Variants in SEMA4C observed in about 807,000 individuals in gnomAD.
SEMA4C encodes the protein semaphorin 4C.
SEMA4C carries 19 observed loss-of-function variants against 89.0 expected under a neutral mutation model. The observed-to-expected ratio is 0.21, with a 90% CI of 0.15 to 0.31. The LOEUF (loss-of-function observed/expected upper bound fraction) is 0.31, where lower values mean the gene tolerates loss of function less well. Among genes scored for constraint, SEMA4C ranks in the 10% least tolerant of loss-of-function variants. SEMA4C has a pLI of 1.00. For synonymous variants in SEMA4C, 428 were observed against 472.7 expected, an observed-to-expected ratio of 0.91 and a Z score of 1.23; for missense variants, 811 against 1,107.0, an observed-to-expected ratio of 0.73 and a Z score of 3.79.
At chr2:96,866,177 C>T in intron 3 of SEMA4C, 106 bp downstream of exon 3, 3 of 1,463,370 alleles carry the variant, frequency 2.1e-6, no homozygotes, top group Non-Finnish European at 1.8e-6. Context: ...TGCCCAGCAG[C>T]ACTTCTGTGG....
Position 96,869,985 on chromosome 2 carries a change from G to A in SEMA4C, c.-147C>T. On this transcript the variant is annotated 5_prime_UTR_variant, in exon 1 of 15. Transcript: ENST00000305476. Reference sequence around the variant, plus strand: ...GCCCGCGCTCGCCCGCCAGCCCTCCGCGGCCTCTCTGCCACCGCCCCTCCG... The same window carrying A: ...GCCCGCGCTCGCCCGCCAGCCCTCCACGGCCTCTCTGCCACCGCCCCTCCG... 1 of 986,302 alleles carries A rather than the reference G, an allele frequency of 1.0e-6. No individual in the cohort carries two copies. The highest frequency in any genetic ancestry group is 1.2e-6 in the Non-Finnish European group (1 of 830,246). 61.1% of individuals were successfully genotyped at this position (986,302 alleles called of 1,614,324 possible). A position where few individuals can be genotyped will look rare whatever the true frequency, so the allele number is the denominator to read the frequency against.
intron 6 of SEMA4C, 35 bp downstream of exon 6, chr2:96,865,406 G>T (rs770829447): frequency 5.0e-6 from 8 of 1,610,650 alleles, no homozygotes; most frequent in Non-Finnish European, 6.8e-6. Flanking sequence ...AAGCCCCAAG[G>T]ACTCACCCAG....
upstream of SEMA4C, chr2:96,870,247 G>A (rs1247267176): frequency 6.1e-6 from 6 of 985,360 alleles, no homozygotes; most frequent in South Asian, 1.9e-4. Context: ...GCCTCTCTGG[G>A]TGCCCGGACC....
chr2:96,867,799 G>A lies in SEMA4C; in HGVS notation c.88C>T (p.Arg30Cys). The part of the protein sequence containing the change: ...GAEVWWNLVP[R>C]KTVSSGELAT... The stretch of plus-strand genomic sequence containing the variant: ...TCACCCCCAGAAGACACTGTCTTAC[G>A]CGGCACAAGGTTCCACCACACCTCA... Residue 30 changes from arginine (R) to cysteine (C), a missense_variant, in exon 2 of 15, where the codon CGT becomes TGT. Transcript: ENST00000305476. 1 of 1,613,418 alleles carries A rather than the reference G, an allele frequency of 6.2e-7. No homozygotes were observed. Among genetic ancestry groups the A allele is most frequent in the Non-Finnish European group, 8.5e-7 (1 of 1,179,844 alleles).
chr2:96,867,358 C>A (rs778093093), intron 2 of SEMA4C, among the ~76,000 whole-genome samples: 2 of 152,156 alleles, frequency 1.3e-5, no homozygotes, highest in African/African-American at 2.4e-5. Context: ...GGCAACCATG[C>A]GAGCATGTGC....
rs781132367 is a variant in SEMA4C at position 96,860,603 on chromosome 2, C to T, written c.*23G>A. ...TAGGAGCTACACCTCCCACGCTTCC[C>T]GCCGACGCGGTGGGGGTTCCCCTCA... On this transcript the variant is annotated 3_prime_UTR_variant, in exon 15 of 15. Transcript: ENST00000305476. 13 of 1,568,666 alleles carry T rather than the reference C, an allele frequency of 8.3e-6. No individual in the cohort carries two copies. The highest frequency in any genetic ancestry group is 2.4e-5 in the South Asian group (2 of 84,626).
In SEMA4C at chr2:96,862,009, G is replaced by A. The variant is rs148394856; in HGVS notation, c.1444-115C>T. ...TGGACTCCTGCAGGGGGCACAGCAC[G>A]GGGCGCCAGAAGGAGGAACAAGGGA... On this transcript the variant is annotated intron_variant, in intron 12 of 14. Transcript: ENST00000305476. 2.2e-4 allele frequency: 256 copies of A among 1,149,548 alleles called. 1 individual carries two copies. The African/African-American group carries it at 2.9e-3, about 13-fold the overall frequency. The allele number at this position is 1,149,548 out of a possible 1,614,324, so 71.2% of individuals were successfully genotyped here.
intron 5 of SEMA4C, 33 bp from the exon 6 acceptor site, chr2:96,865,570 C>G (rs769684910): frequency 3.1e-6 from 5 of 1,605,252 alleles, no homozygotes; most frequent in Non-Finnish European, 4.3e-6. Flanking sequence ...TGAGGAGATG[C>G]TTAAGGGCAG....
chr2:96,866,457 T>C (rs1358530976), intron 2 of SEMA4C, 26 bp from the exon 3 acceptor site: 20 of 1,613,692 alleles, frequency 1.2e-5, no homozygotes, highest in Non-Finnish European at 1.7e-5. Flanking sequence ...TGGCTGCTGA[T>C]GGGCAGGACC....
chr2:96,866,009 C>T, intron 3 of SEMA4C, 80 bp from the exon 4 acceptor site: 1 of 1,435,714 alleles, frequency 7.0e-7, no homozygotes, highest in Non-Finnish European at 9.8e-7. Context: ...GCAGCAGCAA[C>T]ACAGGGACGC....
chr2:96,869,058 G>T, intron 1 of SEMA4C: 2 of 985,424 alleles, frequency 2.0e-6, no homozygotes, highest in Non-Finnish European at 2.4e-6. Context: ...ACAAAGCGGC[G>T]GCGCGGGGAG....
At chr2:96,863,837 G>A (rs757912464) in intron 11 of SEMA4C, 43 bp from the exon 12 acceptor site, 2 of 1,604,912 alleles carry the variant, frequency 1.2e-6, no homozygotes, top group South Asian at 1.1e-5. Context: ...AGGGCACAAG[G>A]CCGTGGGGCA....
At chr2:96,866,217 A>C in intron 3 of SEMA4C, 66 bp downstream of exon 3, 1 of 1,534,886 alleles carries the variant, frequency 6.5e-7, no homozygotes, top group Non-Finnish European at 8.8e-7. Flanking sequence ...CCACCTAGCC[A>C]AGCACAGCCC....
chr2:96,861,634 C>A lies in SEMA4C; in HGVS notation c.1617G>T (p.Gln539His). Residue 539 changes from glutamine to histidine, a missense_variant, in exon 14 of 15, where the codon CAG (glutamine) becomes CAT (histidine). Gln to His is a conservative substitution (Grantham distance 24). This residue lies in a region of SEMA4C where 441 missense variants were observed against 664.9 expected (regional missense o/e 0.66). Coordinates refer to ENST00000305476, the MANE Select transcript of SEMA4C (RefSeq NM_017789.5). This position sits in a 1 kb window ranked among gnomAD's most constrained non-coding sequence, Gnocchi z 7.8. ...CTGAAGTGTCCGAGGTCATCACATGCTGGATCAGTAGAGATCTGGTAGGGG... is the reference window on the plus strand; with the variant it reads ...CTGAAGTGTCCGAGGTCATCACATGATGGATCAGTAGAGATCTGGTAGGGG... ...VGGHSGSLLI[Q>H]HVMTSDTSGI... 2 of 1,578,028 alleles carry A rather than the reference C, an allele frequency of 1.3e-6. No individual in the cohort carries two copies. The highest frequency in any genetic ancestry group is 1.2e-5 in the South Asian group (1 of 85,922).
chr2:96,864,849 C>T lies in SEMA4C; in HGVS notation c.818G>A (p.Arg273Lys), dbSNP rs765370801. 2.3e-5 allele frequency: 37 copies of T among 1,613,602 alleles called. No individual in the cohort carries two copies. The Admixed American group carries it at 5.8e-4, about 25-fold the overall frequency. ...CGCCTTCAGGAACGTGGTCCACTTC[C>T]TCTGCAGGGTCCGTGCGCCCCCCAT... ...GDMGGARTLQ[R>K]KWTTFLKARL... is the part of the protein sequence containing the mutation. The change falls in exon 9 of 15, where the codon AGG (arginine) becomes AAG (lysine). Residue 273 changes from arginine (R) to lysine (K), a missense_variant. Arg to Lys is a conservative substitution (Grantham distance 26). This residue lies in a region of SEMA4C where 441 missense variants were observed against 664.9 expected (regional missense o/e 0.66). Transcript: ENST00000305476. The surrounding 1 kb of genome is among the most constrained non-coding windows in gnomAD (Gnocchi z 6.3).
At chr2:96,869,481 G>A (rs946978660) in intron 1 of SEMA4C, 1 of 985,244 alleles carries the variant, frequency 1.0e-6, no homozygotes, top group South Asian at 4.7e-5. Flanking sequence ...CGGGCGGGCG[G>A]GGGGCCGCGG....
rs762287554 is a variant in SEMA4C, at chr2:96,861,262, G to C, written c.1866C>G (p.Ala622=). 1.2e-6 allele frequency: 2 copies of C among 1,608,326 alleles called. No homozygotes were observed. Among genetic ancestry groups the C allele is most frequent in the African/African-American group, 2.7e-5 (2 of 74,914 alleles). The part of the protein sequence containing the change: ...LVVMAAQPRH[A]GAYHCFSEEQ... ...CCTCTGAAAAGCAGTGGTAGGCCCC[G>C]GCATGGCGGGGCTGGGCAGCCATCA... is the stretch of plus-strand genomic sequence containing the variant. Residue 622 remains alanine (A), a synonymous_variant, in exon 15 of 15, where the codon GCC becomes GCG. Transcript: ENST00000305476. The surrounding 1 kb of genome is among the most constrained non-coding windows in gnomAD (Gnocchi z 7.8).
Position 96,859,868 on chromosome 2 carries a change from T to A in SEMA4C, c.*758A>T, listed in dbSNP as rs1480165084. ...AGGGCTGGAAGAGAGTATGCCATTG[T>A]CCACAGCAGGCCCACCCTCTCCCTT... On this transcript the variant is annotated 3_prime_UTR_variant, in exon 15 of 15. Coordinates refer to ENST00000305476, the MANE Select transcript of SEMA4C (RefSeq NM_017789.5). The A allele has an allele frequency of 6.6e-6, 1 of 152,288 alleles. No homozygotes were observed. Among genetic ancestry groups the A allele is most frequent in the Non-Finnish European group, 1.5e-5 (1 of 68,070 alleles). 9.4% of individuals were successfully genotyped at this position (152,288 alleles called of 1,614,324 possible).
At chr2:96,863,843 G>T in intron 11 of SEMA4C, 49 bp from the exon 12 acceptor site, 1 of 1,603,226 alleles carries the variant, frequency 6.2e-7, no homozygotes. Context: ...CAAGGCCGTG[G>T]GGCAGCTCCA....
Sources: gnomAD v4.1 joint callset for allele counts (sites outside exome capture counted in the v4.1 genomes callset) on GRCh38, gnomAD v4.1.1 for gene constraint, gnomAD v4.1.1 regional missense constraint, Gnocchi (gnomAD v3.1) non-coding constraint, MANE v1.5 for transcripts, NCBI Gene and HGNC (gene_info 2026-07-23, HGNC 2026-07-21) for gene names.